Variants in AKR1A1 observed in about 807,000 individuals in gnomAD.
AKR1A1 encodes the protein HEL-S-165mP.
AKR1A1 carries 26 observed loss-of-function variants against 39.2 expected under a neutral mutation model. The ratio of observed to expected loss-of-function variants is 0.66; its 90% CI spans 0.49 to 0.92. AKR1A1 has a LOEUF of 0.92. Ranked by LOEUF, AKR1A1 falls within the 40% of genes least tolerant of loss-of-function variation. The pLI is 0.00. For missense variants in AKR1A1, 378 were observed against 406.5 expected, an observed-to-expected ratio of 0.93 and a Z score of 0.60; for synonymous variants, 141 against 155.5, an observed-to-expected ratio of 0.91 and a Z score of 0.69.
In AKR1A1 at chr1:45,566,641, G is replaced by A. The variant is rs1047352719; in HGVS notation, c.157G>A (p.Glu53Lys). ...TGATTGTGCTGCTATCTACGGCAAT[G>A]AGCCTGAGATTGGGGAGGCCCTGAA... ...HIDCAAIYGNEPEIGEALKED... is the reference protein window; with the variant it reads ...HIDCAAIYGNKPEIGEALKED... The change falls in exon 3 of 9, where the codon GAG becomes AAG. Residue 53 changes from glutamate to lysine, a missense_variant. By Grantham distance (56) the Glu-to-Lys change is moderately conservative (BLOSUM62 1). Transcript: ENST00000351829. 7 of 1,614,120 alleles carry A rather than the reference G, an allele frequency of 4.3e-6. No homozygotes were observed. In the East Asian group the frequency reaches 1.3e-4, roughly 31 times the overall value.
At chr1:45,565,330 G>A (rs1328538362) in intron 2 of AKR1A1, among the ~76,000 whole-genome samples, 13 of 149,718 alleles carry the variant, frequency 8.7e-5, no homozygotes, top group Admixed American at 4.0e-4. Context: ...GGGTTTCTCC[G>A]TGTTGGTTAG....
intron 8 of AKR1A1, 25 bp downstream of exon 8, chr1:45,569,254 C>T (rs957876879): frequency 4.6e-5 from 74 of 1,595,476 alleles, no homozygotes; most frequent in East Asian, 1.6e-4. Flanking sequence ...GCCTCCTAGA[C>T]TTGGGGAATG....
intron 1 of AKR1A1, 150 bp from the exon 2 acceptor site, chr1:45,561,639 G>A (rs1644278747): frequency 1.5e-6 from 1 of 662,782 alleles, no homozygotes. Context: ...CTTGACCTCA[G>A]GTGATCTGCC....
chr1:45,566,774 C>A, intron 3 of AKR1A1, 86 bp downstream of exon 3: 2 of 1,594,780 alleles, frequency 1.3e-6, no homozygotes, highest in Non-Finnish European at 1.7e-6. Context: ...GGGAATCTGG[C>A]ATCAGCTTCC....
intron 1 of AKR1A1, among the ~76,000 whole-genome samples, chr1:45,552,165 A>T (rs918638895): frequency 6.6e-6 from 1 of 151,772 alleles, no homozygotes; most frequent in East Asian, 1.9e-4. Flanking sequence ...GTAGCCATCC[A>T]TTTATTTATT....
At chr1:45,556,133 C>T (rs1644199623) in intron 1 of AKR1A1, among the ~76,000 whole-genome samples, 1 of 152,158 alleles carries the variant, frequency 6.6e-6, no homozygotes, top group African/African-American at 2.4e-5. Flanking sequence ...TTCTACTTCC[C>T]TGCAGCCAGG....
rs1557634876 is a variant in AKR1A1, at chr1:45,565,209, T to A, written c.85-1360T>A. Among the ~76,000 whole-genome samples, 3 of 141,728 alleles carry A rather than the reference T, an allele frequency of 2.1e-5. No homozygotes were observed. The South Asian group carries it at 6.8e-4, about 32-fold the overall frequency. The allele number at this position is 141,728 out of a possible 152,430, so 93.0% of individuals were successfully genotyped here. A position where few individuals can be genotyped will look rare whatever the true frequency, so the allele number is the denominator to read the frequency against. ...GCAATGGCATGATCTTGGCTCACTG[T>A]AACCTCCACCTCCCAGGTTCAAGCG... On this transcript the variant is annotated intron_variant, in intron 2 of 8. Coordinates refer to ENST00000351829, the MANE Select transcript of AKR1A1 (RefSeq NM_153326.3).
intron 1 of AKR1A1, among the ~76,000 whole-genome samples, chr1:45,556,151 T>G (rs1644199805): frequency 6.6e-6 from 1 of 152,182 alleles, no homozygotes; most frequent in Non-Finnish European, 1.5e-5. Context: ...AGGCAGCAAC[T>G]GTAGAGCCCT....
At chr1:45,559,521 A>G (rs1474418090) in intron 1 of AKR1A1, among the ~76,000 whole-genome samples, 1 of 151,046 alleles carries the variant, frequency 6.6e-6, no homozygotes, top group Admixed American at 6.6e-5. Context: ...TCTGTAGTAC[A>G]TCATACTTGT....
chr1:45,555,189 TA>T (rs1644185302), intron 1 of AKR1A1, among the ~76,000 whole-genome samples: 1 of 152,028 alleles, frequency 6.6e-6, no homozygotes, highest in Non-Finnish European at 1.5e-5. Context: ...AAAATTCAAA[TA>T]AAAAAATACA....
At position 45,566,700 on chromosome 1, in the gene AKR1A1, G is replaced by C. The variant is rs755022152; in HGVS notation, c.204+12G>C. 17 of 1,613,826 alleles carry C rather than the reference G, an allele frequency of 1.1e-5. No homozygotes were observed. ...TGGGACCAGGCAAGGTAAGGACTGG[G>C]GTTGTAAATAGAGGTGGGATAAGAG... is the stretch of plus-strand genomic sequence containing the variant. On this transcript the variant is annotated intron_variant, in intron 3 of 8. Transcript: ENST00000351829.
At chr1:45,557,768 T>C (rs751398161) in intron 1 of AKR1A1, among the ~76,000 whole-genome samples, 1 of 152,196 alleles carries the variant, frequency 6.6e-6, no homozygotes, top group Non-Finnish European at 1.5e-5. Flanking sequence ...AGCTTGTGGT[T>C]TGACACTCAG....
chr1:45,569,768 C>A, intron 8 of AKR1A1, 123 bp from the exon 9 acceptor site: 1 of 804,090 alleles, frequency 1.2e-6, no homozygotes, highest in Admixed American at 2.1e-5. Context: ...GGATCCCAGC[C>A]AATGCCATCT....
Position 45,569,206 on chromosome 1 carries a change from A to G in AKR1A1, c.889A>G (p.Arg297Gly). 1 of 1,613,990 alleles carries G rather than the reference A, an allele frequency of 6.2e-7. No homozygotes were observed. Among genetic ancestry groups the G allele is most frequent in the Non-Finnish European group, 8.5e-7 (1 of 1,179,926 alleles). The change falls in exon 8 of 9, where the codon AGA becomes GGA. Residue 297 changes from arginine to glycine, a missense_variant. Coordinates refer to ENST00000351829, the MANE Select transcript of AKR1A1 (RefSeq NM_153326.3). ...KQLNALNKNWRYIVPMLTVDG... is the reference protein window; with the variant it reads ...KQLNALNKNWGYIVPMLTVDG... ...GCTAAATGCCCTGAACAAAAATTGG[A>G]GATATATTGTGCCTATGCTTACGGT...
intron 4 of AKR1A1, chr1:45,567,340 C>T (rs1340764918): frequency 3.6e-6 from 1 of 278,158 alleles, no homozygotes; most frequent in African/African-American, 2.2e-5. Flanking sequence ...ATAAGTAAGT[C>T]TCAGCAGAAG....
chr1:45,557,366 T>C (rs1644218649), intron 1 of AKR1A1, among the ~76,000 whole-genome samples: 1 of 151,926 alleles, frequency 6.6e-6, no homozygotes, highest in South Asian at 2.1e-4. Context: ...TGATTTTCTG[T>C]CCTAGAGAAA....
intron 2 of AKR1A1, among the ~76,000 whole-genome samples, chr1:45,565,617 G>A (rs919799802): frequency 3.3e-5 from 5 of 151,416 alleles, no homozygotes; most frequent in Admixed American, 1.3e-4. Flanking sequence ...GGGACTACAG[G>A]CATATGCCAC....
chr1:45,569,082 T>C, intron 7 of AKR1A1, 61 bp from the exon 8 acceptor site: 1 of 1,604,086 alleles, frequency 6.2e-7, no homozygotes. Flanking sequence ...AAGGCAGTGT[T>C]GTGGAACCCC....
In AKR1A1 at chr1:45,567,325, C is replaced by T. The variant is rs534730326; in HGVS notation, c.356+305C>T. ...CTTTTCTGTTGAGCACCTGGGGTTA[C>T]AGTAATAAGTAAGTCTCAGCAGAAG... is the stretch of plus-strand genomic sequence containing the variant. On this transcript the variant is annotated intron_variant, in intron 4 of 8. Transcript: ENST00000351829. The T allele has an allele frequency of 3.8e-5, 12 of 311,864 alleles. No homozygotes were observed. In the South Asian group the frequency reaches 5.9e-4, roughly 15 times the overall value. 19.3% of individuals were successfully genotyped at this position (311,864 alleles called of 1,614,324 possible). A position where few individuals can be genotyped will look rare whatever the true frequency, so the allele number is the denominator to read the frequency against.
Sources: allele counts gnomAD v4.1 joint callset (sites outside exome capture counted in the v4.1 genomes callset), GRCh38; gene constraint gnomAD v4.1.1; transcripts MANE v1.5; gene names NCBI Gene and HGNC (gene_info 2026-07-23, HGNC 2026-07-21).